Variants in ZCCHC10 observed in about 807,000 individuals in gnomAD.
ZCCHC10 encodes zinc finger CCHC domain-containing protein 10.
A neutral mutation model predicts 19.5 loss-of-function variants in ZCCHC10; 16 were observed. The ratio of observed to expected loss-of-function variants is 0.82; its 90% CI spans 0.56 to 1.25. ZCCHC10 has a LOEUF of 1.25. Ranked by LOEUF, ZCCHC10 falls within the 50% of genes most tolerant of loss-of-function variation. The pLI, the probability that ZCCHC10 is intolerant of heterozygous loss-of-function variation, is 0.00. For missense variants in ZCCHC10, 197 were observed against 201.0 expected (o/e 0.98, Z 0.12); for synonymous variants, 67 against 72.5 (o/e 0.92, Z 0.38).
intron 2 of ZCCHC10, among the ~76,000 whole-genome samples, chr5:133,010,876 C>T (rs1212770148): frequency 6.6e-6 from 1 of 152,068 alleles, no homozygotes; most frequent in African/African-American, 2.4e-5. Flanking sequence ...ACTGCAACAT[C>T]CACCTCCCGG....
chr5:133,019,970 A>G (rs1764193952), intron 2 of ZCCHC10, among the ~76,000 whole-genome samples: 1 of 151,860 alleles, frequency 6.6e-6, no homozygotes, highest in African/African-American at 2.4e-5. Context: ...AAAAAAAGAA[A>G]AGTACATACC....
chr5:133,016,605 G>A (rs1485569152), intron 2 of ZCCHC10, among the ~76,000 whole-genome samples: 1 of 151,892 alleles, frequency 6.6e-6, no homozygotes, highest in Non-Finnish European at 1.5e-5. Context: ...ACCACACCCG[G>A]CTAATTTTTG....
chr5:133,020,134 A>G (rs1468702913), intron 2 of ZCCHC10, among the ~76,000 whole-genome samples: 1 of 151,830 alleles, frequency 6.6e-6, no homozygotes, highest in Non-Finnish European at 1.5e-5. Context: ...AGTTCAAGAC[A>G]AGCCTGGGCA....
chr5:133,006,208 C>T (rs1405185860), intron 3 of ZCCHC10, among the ~76,000 whole-genome samples: 1 of 152,024 alleles, frequency 6.6e-6, no homozygotes, highest in South Asian at 2.1e-4. Flanking sequence ...GTCGGCCTCC[C>T]AAAGTGTTGG....
At chr5:133,020,742 A>G (rs1178083377) in intron 2 of ZCCHC10, among the ~76,000 whole-genome samples, 1 of 151,394 alleles carries the variant, frequency 6.6e-6, no homozygotes, top group Non-Finnish European at 1.5e-5. Context: ...TTTTTTTGAG[A>G]CGGAGTCTCA....
At chr5:133,018,382 A>C (rs1764068090) in intron 2 of ZCCHC10, among the ~76,000 whole-genome samples, 1 of 151,790 alleles carries the variant, frequency 6.6e-6, no homozygotes, top group Non-Finnish European at 1.5e-5. Flanking sequence ...TCCTGGGCTG[A>C]AGCAATCCTC....
At chr5:133,021,796 T>TA (rs1764329137) in intron 2 of ZCCHC10, among the ~76,000 whole-genome samples, 1 of 138,502 alleles carries the variant, frequency 7.2e-6, no homozygotes, top group Non-Finnish European at 1.5e-5. Context: ...TTTTACTTTA[T>TA]AACTTTTTTT....
At chr5:133,021,117 T>C (rs190803913) in intron 2 of ZCCHC10, among the ~76,000 whole-genome samples, 1 of 152,258 alleles carries the variant, frequency 6.6e-6, no homozygotes, top group African/African-American at 2.4e-5. Flanking sequence ...AGGATAGTCT[T>C]GATCTTTTGA....
chr5:133,016,497 C>T (rs1191470124), intron 2 of ZCCHC10, among the ~76,000 whole-genome samples: 1 of 151,938 alleles, frequency 6.6e-6, no homozygotes, highest in Non-Finnish European at 1.5e-5. Context: ...GGCTGGAGTG[C>T]AATGGCGCAA....
chr5:133,007,203 T>C (rs1701861202), intron 2 of ZCCHC10, among the ~76,000 whole-genome samples: 1 of 152,142 alleles, frequency 6.6e-6, no homozygotes, highest in South Asian at 2.1e-4. Context: ...TCCTGTGCTG[T>C]TCTTGTGATA....
rs144569608 is a variant in ZCCHC10, at chr5:133,018,026, T to A, written c.107+4815A>T. On this transcript the variant is annotated intron_variant, in intron 2 of 4. Coordinates refer to ENST00000509437, the MANE Select transcript of ZCCHC10 (RefSeq NM_001300816.3). The stretch of plus-strand genomic sequence containing the variant: ...TGGGTGTTGTGGCACATGCCTGTAG[T>A]CCCAACTGCGTGGGAGGCTGAGGCC... Among the ~76,000 whole-genome samples the A allele has an allele frequency of 7.1e-3, 1,077 of 151,414 alleles. 12 individuals carry two copies. The highest frequency in any genetic ancestry group is 0.025 in the African/African-American group (1,034 of 41,264).
intron 2 of ZCCHC10, among the ~76,000 whole-genome samples, chr5:133,020,679 A>G (rs1357241640): frequency 6.6e-6 from 1 of 151,578 alleles, no homozygotes; most frequent in Admixed American, 6.6e-5. Flanking sequence ...GTCAGAGGAC[A>G]TAAGATCATT....
At chr5:133,012,816 C>T (rs575815323) in intron 2 of ZCCHC10, among the ~76,000 whole-genome samples, 3 of 151,798 alleles carry the variant, frequency 2.0e-5, no homozygotes, top group South Asian at 2.1e-4. Context: ...TTTGGGAGGC[C>T]GAGGTGGGCG....
intron 2 of ZCCHC10, among the ~76,000 whole-genome samples, chr5:133,007,627 G>C (rs1763211815): frequency 6.6e-6 from 1 of 151,828 alleles, no homozygotes; most frequent in Non-Finnish European, 1.5e-5. Flanking sequence ...TGTAAGATGT[G>C]ACTTGTTCCT....
chr5:133,010,827 T>C (rs538193158), intron 2 of ZCCHC10, among the ~76,000 whole-genome samples: 7 of 152,166 alleles, frequency 4.6e-5, no homozygotes, highest in South Asian at 2.1e-4. Context: ...GTTTTGCTCT[T>C]GTTGCCCAGG....
chr5:132,999,051 G>A (rs1762601345), intron 4 of ZCCHC10, among the ~76,000 whole-genome samples: 1 of 151,982 alleles, frequency 6.6e-6, no homozygotes, highest in Non-Finnish European at 1.5e-5. Flanking sequence ...AAGTAGCCAG[G>A]ATTACAGGTG....
Position 132,998,563 on chromosome 5 carries a change from C to T in ZCCHC10, c.*20G>A, listed in dbSNP as rs770195825. 1 of 1,603,486 alleles carries T rather than the reference C, an allele frequency of 6.2e-7. No homozygotes were observed. The highest frequency in any genetic ancestry group is 8.5e-7 in the Non-Finnish European group (1 of 1,174,566). On this transcript the variant is annotated 3_prime_UTR_variant, in exon 5 of 5. Transcript: ENST00000509437. ...ACATCAATGTTTTCAGTCCATCAGT[C>T]CAATATGAATGGAGCAACTCTATTT...
At chr5:133,025,271 A>G (rs1764596873) in intron 1 of ZCCHC10, among the ~76,000 whole-genome samples, 1 of 151,964 alleles carries the variant, frequency 6.6e-6, no homozygotes, top group Non-Finnish European at 1.5e-5. Flanking sequence ...TTGGGAGGCC[A>G]AGGCGGGCGG....
chr5:133,000,461 C>G (rs1395052465), intron 3 of ZCCHC10, among the ~76,000 whole-genome samples: 1 of 152,068 alleles, frequency 6.6e-6, no homozygotes, highest in Non-Finnish European at 1.5e-5. Flanking sequence ...TTTTTTTAGT[C>G]TGGAACTTAG....
Sources: gnomAD v4.1 joint callset for allele counts (sites outside exome capture counted in the v4.1 genomes callset) on GRCh38, gnomAD v4.1.1 for gene constraint, MANE v1.5 for transcripts, NCBI Gene and HGNC (gene_info 2026-07-23, HGNC 2026-07-21) for gene names.